AKAIN1: variants seen among roughly 807,000 people sequenced by gnomAD.
AKAIN1 encodes A-kinase anchor inhibitor 1.
Under a neutral mutation model 3.7 loss-of-function variants are expected in AKAIN1, and 3 were observed. The ratio of observed to expected loss-of-function variants is 0.82; its 90% CI spans 0.37 to 2.12. The LOEUF (loss-of-function observed/expected upper bound fraction) is 2.12, where lower values mean the gene tolerates loss of function less well. AKAIN1 is among the 30% of genes most tolerant of loss of function. The pLI is 0.06. For missense variants in AKAIN1, 82 were observed against 82.7 expected, an observed-to-expected ratio of 0.99 and a Z score of 0.03; for synonymous variants, 31 against 30.8, an observed-to-expected ratio of 1.01 and a Z score of -0.02.
chr18:5,173,006 T>C (rs1445943384), intron 1 of AKAIN1, among the ~76,000 whole-genome samples: 1 of 152,144 alleles, frequency 6.6e-6, no homozygotes, highest in Non-Finnish European at 1.5e-5. Context: ...TGGGAAATAT[T>C]TATTTCACAG....
chr18:5,165,667 C>T (rs2071163827), intron 1 of AKAIN1, among the ~76,000 whole-genome samples: 1 of 151,908 alleles, frequency 6.6e-6, no homozygotes, highest in African/African-American at 2.4e-5. Flanking sequence ...AGAATAGGTA[C>T]AAATTGGTGT....
At chr18:5,163,352 A>T (rs2071150215) in intron 1 of AKAIN1, among the ~76,000 whole-genome samples, 1 of 152,078 alleles carries the variant, frequency 6.6e-6, no homozygotes, top group African/African-American at 2.4e-5. Context: ...TCCCCTCTCC[A>T]GGCCTCAAAC....
intron 1 of AKAIN1, among the ~76,000 whole-genome samples, chr18:5,185,701 G>C (rs1408251739): frequency 6.6e-6 from 1 of 152,098 alleles, no homozygotes; most frequent in African/African-American, 2.4e-5. Context: ...AACAGATGCT[G>C]GTGAGGTTTC....
chr18:5,172,595 C>T (rs1416220955), intron 1 of AKAIN1, among the ~76,000 whole-genome samples: 1 of 151,714 alleles, frequency 6.6e-6, no homozygotes, highest in Non-Finnish European at 1.5e-5. Context: ...TGTGTTTTTG[C>T]CTCTAAGAAA....
intron 1 of AKAIN1, among the ~76,000 whole-genome samples, chr18:5,173,756 AAC>A (rs1159237677): frequency 6.6e-6 from 1 of 152,156 alleles, no homozygotes; most frequent in Non-Finnish European, 1.5e-5. Flanking sequence ...GTGATCTCTA[AAC>A]ACTCTGTTGC....
At chr18:5,149,574 A>T (rs889818713) in intron 1 of AKAIN1, among the ~76,000 whole-genome samples, 1 of 151,946 alleles carries the variant, frequency 6.6e-6, no homozygotes, top group South Asian at 2.1e-4. Flanking sequence ...CCAACCAAGC[A>T]CCTCTCCGCT....
chr18:5,184,083 A>G (rs2071274081), intron 1 of AKAIN1, among the ~76,000 whole-genome samples: 1 of 152,108 alleles, frequency 6.6e-6, no homozygotes, highest in Admixed American at 6.6e-5. Flanking sequence ...ACATTTGTTT[A>G]TAGTATCAGA....
chr18:5,158,396 G>C (rs781255730), intron 1 of AKAIN1, among the ~76,000 whole-genome samples: 1 of 152,174 alleles, frequency 6.6e-6, no homozygotes, highest in Non-Finnish European at 1.5e-5. Context: ...AAACACACTA[G>C]AACGTGAATA....
At chr18:5,148,844 G>A (rs1470540646) in intron 1 of AKAIN1, among the ~76,000 whole-genome samples, 1 of 151,782 alleles carries the variant, frequency 6.6e-6, no homozygotes, top group East Asian at 1.9e-4. Flanking sequence ...TTGACAGAGT[G>A]AGACTCTGTC....
chr18:5,182,541 A>G (rs1217691067), intron 1 of AKAIN1, among the ~76,000 whole-genome samples: 1 of 152,072 alleles, frequency 6.6e-6, no homozygotes, highest in African/African-American at 2.4e-5. Context: ...ACCCTGACCT[A>G]TGTGTCCCCA....
At chr18:5,188,527 C>T (rs2071300554) in intron 1 of AKAIN1, among the ~76,000 whole-genome samples, 1 of 152,030 alleles carries the variant, frequency 6.6e-6, no homozygotes, top group Non-Finnish European at 1.5e-5. Flanking sequence ...CCCCCTGAGC[C>T]CCTTTACACT....
At chr18:5,147,676 T>C (rs138439952) in intron 1 of AKAIN1, among the ~76,000 whole-genome samples, 11 of 152,236 alleles carry the variant, frequency 7.2e-5, no homozygotes, top group African/African-American at 1.4e-4. Flanking sequence ...TTAAGACTTA[T>C]GATCTTCATT....
At chr18:5,185,268 T>C (rs189843010) in intron 1 of AKAIN1, among the ~76,000 whole-genome samples, 1 of 152,148 alleles carries the variant, frequency 6.6e-6, no homozygotes, top group Non-Finnish European at 1.5e-5. Flanking sequence ...GAAATACCAT[T>C]TGGGACATAG....
chr18:5,145,767 C>T lies in AKAIN1; in HGVS notation c.17-12G>A. 1 of 1,544,702 alleles carries T rather than the reference C, an allele frequency of 6.5e-7. No homozygotes were observed. Among genetic ancestry groups the T allele is most frequent in the Non-Finnish European group, 8.8e-7 (1 of 1,141,564 alleles). The stretch of plus-strand genomic sequence containing the variant: ...TCCAGGTTTCTCACCTAGCCAAAAA[C>T]ATGAAAAGGAGGGGAAAAGGAGAGA... On this transcript the variant is annotated splice_polypyrimidine_tract_variant and intron_variant, in intron 1 of 1. Coordinates refer to ENST00000434239, the MANE Select transcript of AKAIN1 (RefSeq NM_001145194.2).
At chr18:5,168,563 T>C (rs891526397) in intron 1 of AKAIN1, among the ~76,000 whole-genome samples, 3 of 152,128 alleles carry the variant, frequency 2.0e-5, no homozygotes, top group African/African-American at 7.2e-5. Flanking sequence ...CCTTATACTG[T>C]TTTAAAGTGT....
intron 1 of AKAIN1, among the ~76,000 whole-genome samples, chr18:5,147,305 A>G (rs1336323314): frequency 1.3e-5 from 2 of 152,092 alleles, no homozygotes; most frequent in East Asian, 1.9e-4. Context: ...AAAGTAATAT[A>G]CCTTGTTTAA....
intron 1 of AKAIN1, among the ~76,000 whole-genome samples, chr18:5,156,797 C>T (rs564208405): frequency 5.3e-5 from 8 of 152,332 alleles, no homozygotes; most frequent in South Asian, 4.1e-4. Context: ...CTTGCTCTCA[C>T]ACCAGGCTGG....
At chr18:5,170,705 T>G (rs1188512767) in intron 1 of AKAIN1, 2 of 152,146 alleles carry the variant, frequency 1.3e-5, no homozygotes, top group Non-Finnish European at 2.9e-5. Context: ...CAGAGTGTCT[T>G]TAACCTCCCC....
At chr18:5,150,937 C>T (rs972015030) in intron 1 of AKAIN1, among the ~76,000 whole-genome samples, 5 of 152,076 alleles carry the variant, frequency 3.3e-5, no homozygotes, top group African/African-American at 7.2e-5. Context: ...TCCAGTGAGG[C>T]GGGTTTTGGA....
Sources: allele counts gnomAD v4.1 joint callset (sites outside exome capture counted in the v4.1 genomes callset), GRCh38; gene constraint gnomAD v4.1.1; transcripts MANE v1.5; gene names NCBI Gene and HGNC (gene_info 2026-07-23, HGNC 2026-07-21).